Variants in NDST4 observed in about 807,000 individuals in gnomAD.
NDST4 encodes N-deacetylase and N-sulfotransferase 4.
A neutral mutation model predicts 100.8 loss-of-function variants in NDST4; 63 were observed. The observed-to-expected ratio is 0.62, with a 90% CI of 0.51 to 0.77. NDST4 has a LOEUF of 0.77. Among genes scored for constraint, NDST4 ranks in the 30% least tolerant of loss-of-function variants. The pLI is 0.00. For synonymous variants in NDST4, 377 were observed against 361.8 expected (o/e 1.04, Z -0.48); for missense variants, 943 against 1,018.4 (o/e 0.93, Z 1.01).
intron 1 of NDST4, among the ~76,000 whole-genome samples, chr4:115,103,357 T>C (rs1729773597): frequency 6.6e-6 from 1 of 152,184 alleles, no homozygotes; most frequent in African/African-American, 2.4e-5. Flanking sequence ...GTTAAACAGC[T>C]AATATGAACC....
chr4:114,946,077 C>A (rs762388929), intron 4 of NDST4, among the ~76,000 whole-genome samples: 6 of 152,104 alleles, frequency 3.9e-5, no homozygotes, highest in Non-Finnish European at 4.4e-5. Flanking sequence ...ATATTCTTGA[C>A]CCTGCTGAAG....
Position 115,076,606 on chromosome 4 carries a change from G to A in NDST4, c.431C>T (p.Ser144Leu). The change falls in exon 2 of 14, where the codon TCA (serine) becomes TTA (leucine). Residue 144 changes from serine to leucine, a missense_variant. Physicochemically the swap from Ser to Leu is moderately radical, Grantham distance 145. Transcript: ENST00000264363. ...ENILKYVSMD[S>L]WNRELLEKYC... is the part of the protein sequence containing the mutation. ...TTTTTCTAAAAGCTCTCGATTCCAT[G>A]AGTCCATGCTGACATACTTCAGAAT... The A allele has an allele frequency of 2.5e-6, 4 of 1,613,838 alleles. No homozygotes were observed. The highest frequency in any genetic ancestry group is 3.4e-6 in the Non-Finnish European group (4 of 1,179,886).
chr4:115,036,272 G>T (rs189466324), intron 2 of NDST4, among the ~76,000 whole-genome samples: 3 of 151,178 alleles, frequency 2.0e-5, no homozygotes, highest in Admixed American at 2.0e-4. Flanking sequence ...GTTTAAAAGA[G>T]AATCTCATTT....
intron 6 of NDST4, among the ~76,000 whole-genome samples, chr4:114,901,976 C>A (rs1724850805): frequency 6.6e-6 from 1 of 151,840 alleles, no homozygotes; most frequent in African/African-American, 2.4e-5. Flanking sequence ...TTTCTCCTTC[C>A]AATGTTTGTG....
At chr4:115,089,696 A>T (rs1489134404) in intron 1 of NDST4, among the ~76,000 whole-genome samples, 1 of 151,958 alleles carries the variant, frequency 6.6e-6, no homozygotes, top group African/African-American at 2.4e-5. Flanking sequence ...AATTAGACAC[A>T]CAGTAGATTA....
intron 7 of NDST4, among the ~76,000 whole-genome samples, chr4:114,860,066 A>G (rs765315663): frequency 1.8e-4 from 27 of 152,310 alleles, no homozygotes; most frequent in East Asian, 7.7e-4. Flanking sequence ...TATAATGACA[A>G]CCATATTATG....
chr4:114,963,782 A>C (rs538034427), intron 4 of NDST4, among the ~76,000 whole-genome samples: 63 of 152,346 alleles, frequency 4.1e-4, no homozygotes, highest in African/African-American at 1.5e-3. Flanking sequence ...TTAACCTTGA[A>C]GAAAAATATT....
chr4:115,011,258 T>C (rs747169494), intron 2 of NDST4, among the ~76,000 whole-genome samples: 2 of 151,992 alleles, frequency 1.3e-5, no homozygotes, highest in Non-Finnish European at 2.9e-5. Context: ...TGTCTACTGA[T>C]AGGCCAAACA....
chr4:114,949,138 T>C (rs535911618), intron 4 of NDST4, among the ~76,000 whole-genome samples: 6 of 152,156 alleles, frequency 3.9e-5, no homozygotes, highest in South Asian at 2.1e-4. Flanking sequence ...AATTATGCTA[T>C]TATTGACCAC....
intron 1 of NDST4, among the ~76,000 whole-genome samples, chr4:115,080,832 G>C (rs1652742945): frequency 6.6e-6 from 1 of 151,876 alleles, no homozygotes; most frequent in Non-Finnish European, 1.5e-5. Context: ...TGTAAAATCA[G>C]ACCCACCCCA....
chr4:115,011,988 A>ATG (rs1487747902), intron 2 of NDST4, among the ~76,000 whole-genome samples: 1 of 151,788 alleles, frequency 6.6e-6, no homozygotes, highest in African/African-American at 2.4e-5. Flanking sequence ...AGAGAGAAAA[A>ATG]TGTGTATGTG....
chr4:114,975,715 A>T (rs1042882804), intron 3 of NDST4, among the ~76,000 whole-genome samples: 2 of 152,130 alleles, frequency 1.3e-5, no homozygotes, highest in Non-Finnish European at 2.9e-5. Context: ...CTTACAATCT[A>T]CAGCTATTTA....
chr4:114,987,981 A>T (rs1726949535), intron 2 of NDST4, among the ~76,000 whole-genome samples: 1 of 152,198 alleles, frequency 6.6e-6, no homozygotes, highest in African/African-American at 2.4e-5. Flanking sequence ...GTGATTCTGA[A>T]TATGCATGCA....
intron 5 of NDST4, among the ~76,000 whole-genome samples, chr4:114,936,160 C>T (rs1725624619): frequency 6.6e-6 from 1 of 151,868 alleles, no homozygotes; most frequent in Non-Finnish European, 1.5e-5. Flanking sequence ...GTTTTAGATA[C>T]AGAAGGTAAA....
chr4:114,835,687 A>G (rs1035192513), intron 11 of NDST4, among the ~76,000 whole-genome samples: 6 of 151,540 alleles, frequency 4.0e-5, no homozygotes, highest in South Asian at 2.1e-4. Context: ...ATTTTCTGTC[A>G]TTGTTCTAAT....
intron 7 of NDST4, among the ~76,000 whole-genome samples, chr4:114,867,388 C>T (rs2126195396): frequency 6.6e-6 from 1 of 152,194 alleles, no homozygotes; most frequent in South Asian, 2.1e-4. Context: ...TATTTTCCCA[C>T]TTCTTTAACC....
intron 2 of NDST4, among the ~76,000 whole-genome samples, chr4:115,071,316 ACAC>A (rs1729074095): frequency 6.8e-6 from 1 of 147,310 alleles, no homozygotes; most frequent in Non-Finnish European, 1.5e-5. Flanking sequence ...ACACACACAC[ACAC>A]ATTGATAGAG....
rs192028363 is a variant in NDST4, at chr4:115,082,730, G to A, written c.-246-5448C>T. On this transcript the variant is annotated intron_variant, in intron 1 of 13. Coordinates refer to ENST00000264363, the MANE Select transcript of NDST4 (RefSeq NM_022569.3). ...TTAAAATTTAGAAGGTTTAAGAACG[G>A]AACTAAGATTAAACTACTAATGATT... 4.8e-3 allele frequency among the ~76,000 whole-genome samples: 732 copies of A among 152,208 alleles called. 1 individual carries two copies. The highest frequency in any genetic ancestry group is 7.9e-3 in the Non-Finnish European group (540 of 68,010).
At chr4:114,956,250 C>G (rs1367250594) in intron 4 of NDST4, among the ~76,000 whole-genome samples, 1 of 152,124 alleles carries the variant, frequency 6.6e-6, no homozygotes, top group Non-Finnish European at 1.5e-5. Flanking sequence ...TTACCTTTAT[C>G]TCTGAGCAGT....
Sources: gnomAD v4.1 joint callset for allele counts (sites outside exome capture counted in the v4.1 genomes callset) on GRCh38, gnomAD v4.1.1 for gene constraint, MANE v1.5 for transcripts, NCBI Gene and HGNC (gene_info 2026-07-23, HGNC 2026-07-21) for gene names.